Variants in ARHGAP32 observed in about 807,000 individuals in gnomAD.
The protein encoded by ARHGAP32 is Rho GTPase activating protein 32.
A neutral mutation model predicts 186.5 loss-of-function variants in ARHGAP32; 51 were observed. The ratio of observed to expected loss-of-function variants is 0.27; its 90% CI spans 0.22 to 0.35. The LOEUF (loss-of-function observed/expected upper bound fraction) is 0.35, where lower values mean the gene tolerates loss of function less well. ARHGAP32 is among the 10% of genes least tolerant of loss of function. ARHGAP32 has a pLI of 1.00. For synonymous variants in ARHGAP32, 950 were observed against 964.3 expected, an observed-to-expected ratio of 0.99 and a Z score of 0.27; for missense variants, 2,186 against 2,623.5, an observed-to-expected ratio of 0.83 and a Z score of 3.64.
At chr11:129,088,922 T>C (rs970698944) in intron 6 of ARHGAP32, among the ~76,000 whole-genome samples, 2 of 135,838 alleles carry the variant, frequency 1.5e-5, no homozygotes, top group African/African-American at 5.7e-5. Context: ...CACTTGAGCC[T>C]GGGAGGTCGA....
chr11:129,177,686 C>T (rs530606312), intron 1 of ARHGAP32, among the ~76,000 whole-genome samples: 1 of 152,230 alleles, frequency 6.6e-6, no homozygotes, highest in South Asian at 2.1e-4. Flanking sequence ...AAGACAAAAA[C>T]CACATGATTA....
At chr11:129,254,132 C>T (rs1200591812) in intron 1 of ARHGAP32, among the ~76,000 whole-genome samples, 1 of 152,032 alleles carries the variant, frequency 6.6e-6, no homozygotes, top group African/African-American at 2.4e-5. Context: ...AGCATGACCC[C>T]TACGCCCTTG....
chr11:129,015,864 T>C (rs1938312022), intron 11 of ARHGAP32, among the ~76,000 whole-genome samples: 1 of 152,186 alleles, frequency 6.6e-6, no homozygotes, highest in Non-Finnish European at 1.5e-5. Context: ...CTACACTGTA[T>C]AATCTGGTAA....
upstream of ARHGAP32, among the ~76,000 whole-genome samples, chr11:129,193,541 TTA>T (rs200094959): frequency 0.014 from 437 of 31,030 alleles, 19 homozygotes; most frequent in African/African-American, 0.038. Context: ...AATATATATA[TTA>T]TATATAATAT....
intron 1 of ARHGAP32, among the ~76,000 whole-genome samples, chr11:129,172,220 T>G (rs1943780224): frequency 6.6e-6 from 1 of 152,112 alleles, no homozygotes; most frequent in Admixed American, 6.6e-5. Context: ...ATAGGAGTGG[T>G]GAGAGAGGGC....
chr11:129,177,823 C>T (rs1379631866), intron 1 of ARHGAP32, among the ~76,000 whole-genome samples: 1 of 152,134 alleles, frequency 6.6e-6, no homozygotes. Flanking sequence ...AAACCCACAG[C>T]CAATATCATA....
chr11:129,019,594 ATATC>A (rs1476798823), intron 11 of ARHGAP32, among the ~76,000 whole-genome samples: 3 of 152,076 alleles, frequency 2.0e-5, no homozygotes, highest in East Asian at 1.9e-4. Flanking sequence ...TCTCTTCTAT[ATATC>A]TATTTCTAAT....
At chr11:128,997,324 T>C (rs1034094100) in intron 12 of ARHGAP32, among the ~76,000 whole-genome samples, 1 of 152,204 alleles carries the variant, frequency 6.6e-6, no homozygotes, top group Non-Finnish European at 1.5e-5. Context: ...TCAAGAAACA[T>C]GGTACAGTTT....
chr11:129,190,113 T>G (rs1174703263), intron 1 of ARHGAP32, among the ~76,000 whole-genome samples: 1 of 152,224 alleles, frequency 6.6e-6, no homozygotes, highest in Non-Finnish European at 1.5e-5. Flanking sequence ...ATTTTTAAAA[T>G]TATTACATTG....
chr11:129,253,928 A>G (rs965271847), intron 1 of ARHGAP32, among the ~76,000 whole-genome samples: 5 of 152,154 alleles, frequency 3.3e-5, no homozygotes, highest in African/African-American at 1.2e-4. Context: ...ACTGTGACCG[A>G]TATCATAGAA....
At chr11:129,133,550 A>G (rs1336537799) in intron 2 of ARHGAP32, among the ~76,000 whole-genome samples, 1 of 152,210 alleles carries the variant, frequency 6.6e-6, no homozygotes, top group Non-Finnish European at 1.5e-5. Context: ...ATTGGTATGG[A>G]GTAATAAGGA....
At chr11:129,092,645 A>G (rs1365468284) in intron 6 of ARHGAP32, among the ~76,000 whole-genome samples, 1 of 151,966 alleles carries the variant, frequency 6.6e-6, no homozygotes, top group Non-Finnish European at 1.5e-5. Flanking sequence ...CCAATCCTAT[A>G]CTCTGACACC....
At chr11:129,032,455 C>A (rs1803233433) in intron 11 of ARHGAP32, among the ~76,000 whole-genome samples, 1 of 152,224 alleles carries the variant, frequency 6.6e-6, no homozygotes, top group South Asian at 2.1e-4. Flanking sequence ...CTTACTGTCT[C>A]CATAATCCCA....
chr11:128,985,039 T>C (rs538807157), intron 15 of ARHGAP32, among the ~76,000 whole-genome samples: 1 of 152,246 alleles, frequency 6.6e-6, no homozygotes, highest in South Asian at 2.1e-4. Context: ...AATTTTTTTT[T>C]AAATGGAGTC....
chr11:129,077,510 A>G (rs1591594020), intron 6 of ARHGAP32, among the ~76,000 whole-genome samples: 1 of 151,804 alleles, frequency 6.6e-6, no homozygotes, highest in Admixed American at 6.6e-5. Flanking sequence ...GCTGGATGAA[A>G]CCCGTCACTG....
chr11:128,971,276 G>T, intron 22 of ARHGAP32, 117 bp from the exon 23 acceptor site: 1 of 834,212 alleles, frequency 1.2e-6, no homozygotes, highest in Non-Finnish European at 1.8e-6. Context: ...ACTTTCCCAA[G>T]CCATGTGGTT....
intron 6 of ARHGAP32, among the ~76,000 whole-genome samples, chr11:129,068,007 T>C (rs908640447): frequency 6.6e-6 from 1 of 152,100 alleles, no homozygotes; most frequent in African/African-American, 2.4e-5. Context: ...CACTTGACCT[T>C]GGCTGAAAGG....
chr11:129,129,757 T>C (rs569122216), intron 2 of ARHGAP32, among the ~76,000 whole-genome samples: 404 of 152,356 alleles, frequency 2.7e-3, no homozygotes, highest in African/African-American at 9.2e-3. Context: ...TTCACACTGC[T>C]ACCAAGTATG....
intron 19 of ARHGAP32, among the ~76,000 whole-genome samples, chr11:128,978,544 T>C (rs1048421940): frequency 1.3e-5 from 2 of 152,168 alleles, no homozygotes; most frequent in Non-Finnish European, 1.5e-5. Context: ...ATATAATCTA[T>C]ATAGTTTCCT....
Sources: allele counts gnomAD v4.1 joint callset (sites outside exome capture counted in the v4.1 genomes callset), GRCh38; gene constraint gnomAD v4.1.1; transcripts MANE v1.5; gene names NCBI Gene and HGNC (gene_info 2026-07-23, HGNC 2026-07-21).